Variants in IL1RAPL2 observed in about 807,000 individuals in gnomAD.
The protein encoded by IL1RAPL2 is interleukin 1 receptor accessory protein like 2.
A neutral mutation model predicts 44.1 loss-of-function variants in IL1RAPL2; 3 were observed. The ratio of observed to expected loss-of-function variants is 0.07; its 90% CI spans 0.03 to 0.18. IL1RAPL2 has a LOEUF of 0.18. IL1RAPL2 is among the 10% of genes least tolerant of loss of function. The probability of loss-of-function intolerance (pLI) is 1.00; values close to 1 mark genes in which losing one functional copy is unlikely to be tolerated. For synonymous variants in IL1RAPL2, 181 were observed against 178.8 expected, an observed-to-expected ratio of 1.01 and a Z score of -0.10; for missense variants, 391 against 496.4, an observed-to-expected ratio of 0.79 and a Z score of 2.02.
chrX:104,927,565 AT>A (rs1170505901), intron 2 of IL1RAPL2, among the ~76,000 whole-genome samples: 2 of 111,619 alleles, frequency 1.8e-5, no homozygotes, highest in Non-Finnish European at 3.8e-5. Context: ...AAGTGATTGA[AT>A]TTTTCCCACC....
intron 1 of IL1RAPL2, among the ~76,000 whole-genome samples, chrX:104,613,690 A>G (rs1198232407): frequency 1.8e-5 from 2 of 109,784 alleles, no homozygotes; most frequent in Non-Finnish European, 3.8e-5. Context: ...TTGTAGAATG[A>G]GTTATGGGGG....
At chrX:105,540,360 A>G (rs185265448) in intron 6 of IL1RAPL2, among the ~76,000 whole-genome samples, 19 of 111,690 alleles carry the variant, frequency 1.7e-4, no homozygotes, top group African/African-American at 6.2e-4. Context: ...GCAGCCATAA[A>G]GAATGAAATC....
chrX:104,905,793 T>A (rs1923975891), intron 2 of IL1RAPL2, among the ~76,000 whole-genome samples: 1 of 111,441 alleles, frequency 9.0e-6, no homozygotes, highest in South Asian at 3.8e-4. Context: ...CTGGGCTCTT[T>A]TTTGGTTCCC....
At chrX:105,226,086 G>A (rs781940333) in intron 3 of IL1RAPL2, among the ~76,000 whole-genome samples, 18 of 111,714 alleles carry the variant, frequency 1.6e-4, no homozygotes, top group South Asian at 3.7e-4. Context: ...ACAAAGGGCC[G>A]ACATGCTTAT....
intron 3 of IL1RAPL2, among the ~76,000 whole-genome samples, chrX:105,209,879 G>A (rs149986618): frequency 9.0e-6 from 1 of 111,604 alleles, no homozygotes; most frequent in Non-Finnish European, 1.9e-5. Context: ...AGAGATAAGT[G>A]TCTGGTTCCC....
intron 6 of IL1RAPL2, among the ~76,000 whole-genome samples, chrX:105,710,963 T>C (rs2038205246): frequency 9.4e-6 from 1 of 106,322 alleles, no homozygotes; most frequent in Non-Finnish European, 1.9e-5. Context: ...TTTATATATA[T>C]ATGTGTGCAT....
intron 2 of IL1RAPL2, among the ~76,000 whole-genome samples, chrX:104,924,256 A>G (rs1297498550): frequency 8.9e-6 from 1 of 111,792 alleles, no homozygotes; most frequent in East Asian, 2.8e-4. Flanking sequence ...CAAGCCATCA[A>G]GGTAGTTGGT....
At chrX:105,682,661 C>T (rs1303713328) in intron 6 of IL1RAPL2, among the ~76,000 whole-genome samples, 2 of 111,813 alleles carry the variant, frequency 1.8e-5, no homozygotes, top group Non-Finnish European at 3.8e-5. Flanking sequence ...TTTAGCCACA[C>T]AAATTTAACT....
At chrX:104,973,692 T>C (rs1356533694) in intron 2 of IL1RAPL2, among the ~76,000 whole-genome samples, 1 of 112,133 alleles carries the variant, frequency 8.9e-6, no homozygotes, top group East Asian at 2.8e-4. Context: ...ACAGCAAGCT[T>C]AGTCACACAC....
In IL1RAPL2 at chrX:104,672,118, T is replaced by C. The variant is rs948534670; in HGVS notation, c.82+13123T>C. On this transcript the variant is annotated intron_variant, in intron 2 of 10. Transcript: ENST00000372582. The stretch of plus-strand genomic sequence containing the variant: ...TGCTTTCTTTCTTTTTTTTTTATAC[T>C]TTAAGTTTTAGGGTACATGTGCACA... Among the ~76,000 whole-genome samples the C allele has an allele frequency of 2.7e-5, 3 of 111,334 alleles. No homozygotes were observed. The Admixed American group carries it at 2.9e-4, about 11-fold the overall frequency.
chrX:105,464,149 A>G (rs1452386062), intron 5 of IL1RAPL2, among the ~76,000 whole-genome samples: 1 of 112,352 alleles, frequency 8.9e-6, no homozygotes, highest in Non-Finnish European at 1.9e-5. Context: ...AATTTTGTAA[A>G]CATTATAAAT....
chrX:105,121,345 G>A (rs913769552), intron 2 of IL1RAPL2, among the ~76,000 whole-genome samples: 1 of 111,657 alleles, frequency 9.0e-6, no homozygotes, highest in Non-Finnish European at 1.9e-5. Context: ...ATGCTGTCTT[G>A]GTAATGCTAT....
intron 2 of IL1RAPL2, among the ~76,000 whole-genome samples, chrX:104,677,698 C>T (rs771207126): frequency 8.9e-6 from 1 of 112,222 alleles, no homozygotes; most frequent in East Asian, 2.9e-4. Flanking sequence ...CCCCCAGCCT[C>T]GCTGCCGCCT....
intron 6 of IL1RAPL2, among the ~76,000 whole-genome samples, chrX:105,647,144 C>T (rs997104029): frequency 1.8e-5 from 2 of 112,143 alleles, no homozygotes; most frequent in African/African-American, 6.5e-5. Context: ...CTAGCCTGAT[C>T]GGGAGTGGCA....
chrX:104,927,304 A>G (rs1190484502), intron 2 of IL1RAPL2, among the ~76,000 whole-genome samples: 1 of 111,312 alleles, frequency 9.0e-6, no homozygotes, highest in Non-Finnish European at 1.9e-5. Flanking sequence ...AACAACCTCC[A>G]GTGGTATCTT....
At chrX:105,208,233 T>C (rs1556154336) in intron 3 of IL1RAPL2, among the ~76,000 whole-genome samples, 3 of 111,659 alleles carry the variant, frequency 2.7e-5, no homozygotes, top group African/African-American at 9.8e-5. Context: ...CATTGAGCAA[T>C]TCTTAGAAAA....
At position 105,690,925 on chromosome X, in the gene IL1RAPL2, G is replaced by A. The variant is rs1439644368; in HGVS notation, c.773-26442G>A. Among the ~76,000 whole-genome samples the A allele has an allele frequency of 2.9e-4, 32 of 111,215 alleles. 1 individual carries two copies. The highest frequency in any genetic ancestry group is 2.8e-4 in the Non-Finnish European group (15 of 53,014). The stretch of plus-strand genomic sequence containing the variant: ...AGGCTGAGAAGTCCAAGATCAAGGT[G>A]CCAGCAAGATAGGTTTTATTCTGAA... On this transcript the variant is annotated intron_variant, in intron 6 of 10. Coordinates refer to ENST00000372582, the MANE Select transcript of IL1RAPL2 (RefSeq NM_017416.2).
chrX:104,895,300 T>C (rs773479807), intron 2 of IL1RAPL2, among the ~76,000 whole-genome samples: 17 of 112,479 alleles, frequency 1.5e-4, no homozygotes, highest in Non-Finnish European at 3.0e-4. Flanking sequence ...GAACCACTAC[T>C]CACTTTAAAG....
At chrX:104,889,759 G>A (rs1281235927) in intron 2 of IL1RAPL2, among the ~76,000 whole-genome samples, 1 of 110,284 alleles carries the variant, frequency 9.1e-6, no homozygotes, top group East Asian at 2.9e-4. Flanking sequence ...CAGACAGTTT[G>A]CAATAAATAA....
Sources: gnomAD v4.1 joint callset for allele counts (sites outside exome capture counted in the v4.1 genomes callset) on GRCh38, gnomAD v4.1.1 for gene constraint, MANE v1.5 for transcripts, NCBI Gene and HGNC (gene_info 2026-07-23, HGNC 2026-07-21) for gene names.